ZNF254: variants seen among roughly 807,000 people sequenced by gnomAD.
The protein encoded by ZNF254 is zinc finger protein 254, also known as CTD-2017D11.1.
In ZNF254, 10 loss-of-function variants were observed where a neutral mutation model predicts 12.4. The ratio of observed to expected loss-of-function variants is 0.80; its 90% CI spans 0.50 to 1.36. ZNF254 has a LOEUF of 1.36. Among genes scored for constraint, ZNF254 ranks in the 40% most tolerant of loss-of-function variants. The pLI is 0.00. For missense variants in ZNF254, 996 were observed against 763.9 expected, an observed-to-expected ratio of 1.30 and a Z score of -3.58; for synonymous variants, 305 against 253.4, an observed-to-expected ratio of 1.20 and a Z score of -1.93.
At chr19:24,078,405 C>T (rs1178706288) in intron 2 of ZNF254, 1 of 152,142 alleles carries the variant, frequency 6.6e-6, no homozygotes, top group Non-Finnish European at 1.5e-5. Context: ...ATATATGCAG[C>T]CAATCAATAG....
chr19:24,087,069 C>T, upstream of ZNF254: 1 of 484,978 alleles, frequency 2.1e-6, no homozygotes, highest in Non-Finnish European at 3.8e-6. Flanking sequence ...CATCTTCTAT[C>T]ACTCAGGGTC....
intron 1 of ZNF254, among the ~76,000 whole-genome samples, chr19:24,041,944 G>T (rs1014903865): frequency 7.2e-5 from 11 of 152,048 alleles, no homozygotes; most frequent in Non-Finnish European, 1.3e-4. Flanking sequence ...CTCAGGGATT[G>T]TAAATACACC....
chr19:24,089,235 G>A (rs1599679388), intron 1 of ZNF254, among the ~76,000 whole-genome samples: 1 of 151,968 alleles, frequency 6.6e-6, no homozygotes, highest in Non-Finnish European at 1.5e-5. Context: ...CTTGGCCTCC[G>A]AAAGTGCTGG....
chr19:24,058,103 C>T (rs17304569), intron 2 of ZNF254, among the ~76,000 whole-genome samples: 23,750 of 152,120 alleles, frequency 0.16, 1,869 homozygotes, highest in Middle Eastern at 0.18. Flanking sequence ...AGCCTTGCAC[C>T]CAGGTAATGT....
At chr19:24,100,610 A>G (rs1972957867) in intron 1 of ZNF254, among the ~76,000 whole-genome samples, 2 of 152,112 alleles carry the variant, frequency 1.3e-5, no homozygotes, top group Non-Finnish European at 2.9e-5. Flanking sequence ...CCCTTAATGT[A>G]CAGTCAATCA....
upstream of ZNF254, among the ~76,000 whole-genome samples, chr19:24,086,263 C>G (rs1016037072): frequency 2.6e-5 from 4 of 151,942 alleles, no homozygotes. Flanking sequence ...GTATAAAAAT[C>G]TAGAATGGTC....
intron 3 of ZNF254, among the ~76,000 whole-genome samples, chr19:24,117,368 CTTTG>C (rs1974157578): frequency 6.6e-6 from 1 of 152,162 alleles, no homozygotes; most frequent in Admixed American, 6.5e-5. Context: ...TTCCCGGCTG[CTTTG>C]TTTACCTAAG....
At chr19:24,098,365 G>A (rs967223914) in intron 1 of ZNF254, 1 of 152,146 alleles carries the variant, frequency 6.6e-6, no homozygotes, top group Non-Finnish European at 1.5e-5. Context: ...TCTCTAGTAA[G>A]CTATGTTGTA....
At chr19:24,102,545 A>T (rs932913465) in intron 1 of ZNF254, among the ~76,000 whole-genome samples, 1 of 152,096 alleles carries the variant, frequency 6.6e-6, no homozygotes, top group Non-Finnish European at 1.5e-5. Context: ...GTCTTGCCCT[A>T]CCCTGGAGTT....
intron 2 of ZNF254, among the ~76,000 whole-genome samples, chr19:24,051,420 A>G (rs1216444414): frequency 6.6e-6 from 1 of 152,066 alleles, no homozygotes; most frequent in African/African-American, 2.4e-5. Flanking sequence ...TTGGCCTCCC[A>G]AAGTGCTGGG....
intron 1 of ZNF254, among the ~76,000 whole-genome samples, chr19:24,043,776 T>C (rs1419853383): frequency 2.6e-5 from 4 of 152,234 alleles, no homozygotes; most frequent in African/African-American, 9.6e-5. Flanking sequence ...ACCATTTCTG[T>C]GGGTGTGTGC....
intron 3 of ZNF254, chr19:24,107,068 ATTT>A (rs1282477892): frequency 2.3e-6 from 1 of 443,508 alleles, no homozygotes; most frequent in African/African-American, 2.1e-5. Context: ...TTTTTGGTTT[ATTT>A]TTCTGCACAT....
At position 24,098,150 on chromosome 19, in the gene ZNF254, T is replaced by C. The variant is rs558867854; in HGVS notation, c.31-7790T>C. Among the ~76,000 whole-genome samples, 6 of 152,364 alleles carry C rather than the reference T, an allele frequency of 3.9e-5. No individual in the cohort carries two copies. In the East Asian group the frequency reaches 1.2e-3, roughly 29 times the overall value. On this transcript the variant is annotated intron_variant, in intron 1 of 3. Transcript: ENST00000357002. ...ATGAGTAGTACATTAAAATTATTCA[T>C]ACTTACATATTTATGTCTAATATCC...
intron 2 of ZNF254, among the ~76,000 whole-genome samples, chr19:24,071,934 T>C (rs556669782): frequency 3.9e-4 from 60 of 152,264 alleles, no homozygotes; most frequent in African/African-American, 1.4e-3. Context: ...AATATGCAAA[T>C]TGTATATTGT....
At chr19:24,109,839 A>T (rs1430431738) in intron 3 of ZNF254, among the ~76,000 whole-genome samples, 2 of 148,700 alleles carry the variant, frequency 1.3e-5, no homozygotes. Context: ...CTCTAGCCTT[A>T]GCCTCCTGAG....
intron 1 of ZNF254, chr19:24,104,700 TAA>T (rs1163169937): frequency 1.3e-5 from 2 of 152,180 alleles, no homozygotes; most frequent in African/African-American, 4.8e-5. Context: ...TCTGCAATAT[TAA>T]AAATGTTCTC....
intron 1 of ZNF254, among the ~76,000 whole-genome samples, chr19:24,088,064 C>T (rs1183058020): frequency 6.6e-6 from 1 of 151,554 alleles, no homozygotes; most frequent in Non-Finnish European, 1.5e-5. Flanking sequence ...TACAGGCGCC[C>T]GCCACCACAA....
At chr19:24,108,790 T>G (rs1469687874) in intron 3 of ZNF254, among the ~76,000 whole-genome samples, 1 of 152,220 alleles carries the variant, frequency 6.6e-6, no homozygotes, top group East Asian at 1.9e-4. Context: ...GATTCAGACA[T>G]TTAGGGCAAT....
chr19:24,113,364 G>A (rs368123447), intron 3 of ZNF254, among the ~76,000 whole-genome samples: 3 of 152,048 alleles, frequency 2.0e-5, no homozygotes, highest in Non-Finnish European at 4.4e-5. Context: ...CTGGGATGCA[G>A]GGCTGGTTCA....
Sources: gnomAD v4.1 joint callset for allele counts (sites outside exome capture counted in the v4.1 genomes callset) on GRCh38, gnomAD v4.1.1 for gene constraint, MANE v1.5 for transcripts, NCBI Gene and HGNC (gene_info 2026-07-23, HGNC 2026-07-21) for gene names.